CADPS2: variants seen among roughly 807,000 people sequenced by gnomAD.
CADPS2 encodes the protein calcium-dependent secretion activator 2.
Under a neutral mutation model 172.5 loss-of-function variants are expected in CADPS2, and 93 were observed. The observed-to-expected ratio is 0.54, with a 90% CI of 0.46 to 0.64. The LOEUF (loss-of-function observed/expected upper bound fraction) is 0.64. CADPS2 is among the 30% of genes least tolerant of loss of function. The pLI, the probability that CADPS2 is intolerant of heterozygous loss-of-function variation, is 0.00. For missense variants in CADPS2, 1,420 were observed against 1,565.9 expected, an observed-to-expected ratio of 0.91 and a Z score of 1.57; for synonymous variants, 546 against 555.2, an observed-to-expected ratio of 0.98 and a Z score of 0.23.
intron 20 of CADPS2, among the ~76,000 whole-genome samples, chr7:122,405,157 C>A (rs1341602090): frequency 1.3e-5 from 2 of 151,990 alleles, no homozygotes; most frequent in African/African-American, 4.8e-5. Flanking sequence ...AACAAAAATA[C>A]CTTACTTACT....
chr7:122,677,368 A>G (rs1344569933), intron 2 of CADPS2, among the ~76,000 whole-genome samples: 1 of 152,162 alleles, frequency 6.6e-6, no homozygotes, highest in Non-Finnish European at 1.5e-5. Context: ...AACACAGCCT[A>G]TCTAAGGGGG....
chr7:122,762,848 CTTTCAATGATGAAGCT>C, intron 1 of CADPS2, among the ~76,000 whole-genome samples: 1 of 152,048 alleles, frequency 6.6e-6, no homozygotes, highest in South Asian at 2.1e-4. Context: ...CCCTACCTTC[CTTTCAATGATGAAGCT>C]ACAGAGAATA....
chr7:122,818,238 C>G (rs1355080677), intron 1 of CADPS2, among the ~76,000 whole-genome samples: 1 of 151,994 alleles, frequency 6.6e-6, no homozygotes, highest in Non-Finnish European at 1.5e-5. Context: ...AACTTAAAAC[C>G]TCTTCAACTC....
intron 6 of CADPS2, among the ~76,000 whole-genome samples, chr7:122,593,237 A>C (rs942832266): frequency 5.9e-5 from 9 of 152,038 alleles, no homozygotes; most frequent in African/African-American, 1.9e-4. Flanking sequence ...ATAAAAGATA[A>C]CAATCTAAGT....
At position 122,787,500 on chromosome 7, in the gene CADPS2, G is replaced by T. The variant is rs116317352; in HGVS notation, c.340-50432C>A. Among the ~76,000 whole-genome samples the T allele has an allele frequency of 3.2e-3, 480 of 152,274 alleles. 2 individuals carry two copies. Among genetic ancestry groups the T allele is most frequent in the African/African-American group, 0.011 (464 of 41,560 alleles). On this transcript the variant is annotated intron_variant, in intron 1 of 29. Transcript: ENST00000449022. ...CTGAAGAATTATTCAACTTCAAAGGGAAGTTAGGAATGGTCAGTTAGCCAA... is the reference window on the plus strand; with the variant it reads ...CTGAAGAATTATTCAACTTCAAAGGTAAGTTAGGAATGGTCAGTTAGCCAA...
At chr7:122,720,875 T>C (rs1456041555) in intron 2 of CADPS2, among the ~76,000 whole-genome samples, 3 of 152,088 alleles carry the variant, frequency 2.0e-5, no homozygotes, top group South Asian at 2.1e-4. Context: ...GTGTATTTTT[T>C]TGTACATCAA....
chr7:122,441,140 G>A (rs1252407415), intron 16 of CADPS2, among the ~76,000 whole-genome samples: 3 of 152,074 alleles, frequency 2.0e-5, no homozygotes, highest in East Asian at 3.9e-4. Context: ...TGAGGACTAC[G>A]ACAGGTAGAA....
chr7:122,416,154 G>T lies in CADPS2; in HGVS notation c.2487C>A (p.Asn829Lys). 1 of 1,538,938 alleles carries T rather than the reference G, an allele frequency of 6.5e-7. No individual in the cohort carries two copies. The highest frequency in any genetic ancestry group is 8.8e-7 in the Non-Finnish European group (1 of 1,135,546). Reference protein sequence around the residue: ...TEYAKIEETMNQASPARKLEE... With the variant: ...TEYAKIEETMKQASPARKLEE... ...CCAGCTTTCTAGCAGGAGATGCCTG[G>T]TTCATGGTCTCTATATGAAAAAAAA... is the stretch of plus-strand genomic sequence containing the variant. Residue 829 changes from asparagine to lysine, a missense_variant, in exon 18 of 30, where the codon AAC (asparagine) becomes AAA (lysine). By Grantham distance (94) the Asn-to-Lys change is moderately conservative. Transcript: ENST00000449022.
At chr7:122,360,887 A>T in intron 26 of CADPS2, 43 bp downstream of exon 26, 2 of 1,603,096 alleles carry the variant, frequency 1.2e-6, no homozygotes, top group Non-Finnish European at 1.7e-6. Context: ...GTACTATGAC[A>T]ACAGTTAAAA....
At chr7:122,763,216 T>C (rs766492835) in intron 1 of CADPS2, among the ~76,000 whole-genome samples, 3 of 152,076 alleles carry the variant, frequency 2.0e-5, no homozygotes, top group Non-Finnish European at 2.9e-5. Flanking sequence ...CAACTCCCAA[T>C]TGCAAATAAT....
At chr7:122,335,185 C>CATGA (rs1335447328) in intron 28 of CADPS2, among the ~76,000 whole-genome samples, 5 of 152,216 alleles carry the variant, frequency 3.3e-5, no homozygotes, top group African/African-American at 9.6e-5. Context: ...GGATATTCTA[C>CATGA]ATGAATAAAC....
rs3807870 is a variant in CADPS2, at chr7:122,437,099, C to T, written c.2476+1242G>A. 9.9e-5 allele frequency among the ~76,000 whole-genome samples: 15 copies of T among 152,182 alleles called. No individual in the cohort carries two copies. In the East Asian group the frequency reaches 2.1e-3, roughly 22 times the overall value. ...CCAATCTGTGTCAGAATACTCAATG[C>T]TCCCAAAACATGAAAATTATTTGAA... On this transcript the variant is annotated intron_variant, in intron 17 of 29. Transcript: ENST00000449022.
chr7:122,462,232 G>C (rs1325069246), intron 14 of CADPS2, among the ~76,000 whole-genome samples: 1 of 152,064 alleles, frequency 6.6e-6, no homozygotes, highest in Non-Finnish European at 1.5e-5. Context: ...CCAGAAAGGG[G>C]GTGACTGGAG....
chr7:122,769,125 T>G (rs559405179), intron 1 of CADPS2, among the ~76,000 whole-genome samples: 1 of 152,302 alleles, frequency 6.6e-6, no homozygotes, highest in South Asian at 2.1e-4. Flanking sequence ...TAAGTAATGT[T>G]CTGCTTTTTT....
intron 8 of CADPS2, among the ~76,000 whole-genome samples, chr7:122,528,483 A>C (rs116908038): frequency 0.023 from 3,564 of 152,264 alleles, 79 homozygotes; most frequent in Non-Finnish European, 0.037. Flanking sequence ...TACTACAAAA[A>C]TTATAACGTT....
intron 15 of CADPS2, among the ~76,000 whole-genome samples, chr7:122,444,858 A>T (rs2051925204): frequency 6.6e-6 from 1 of 152,130 alleles, no homozygotes; most frequent in South Asian, 2.1e-4. Flanking sequence ...TTATTTAAGA[A>T]TCTTTGCCTA....
At chr7:122,775,120 A>G (rs2093835125) in intron 1 of CADPS2, among the ~76,000 whole-genome samples, 1 of 152,186 alleles carries the variant, frequency 6.6e-6, no homozygotes, top group Admixed American at 6.6e-5. Context: ...TATGGAAATT[A>G]TATTCATTCT....
At chr7:122,532,775 T>C (rs1563618260) in intron 8 of CADPS2, among the ~76,000 whole-genome samples, 1 of 152,134 alleles carries the variant, frequency 6.6e-6, no homozygotes, top group Non-Finnish European at 1.5e-5. Flanking sequence ...AAGTATACAG[T>C]TATATTTCCC....
At chr7:122,605,879 T>C (rs867323017) in intron 6 of CADPS2, among the ~76,000 whole-genome samples, 1 of 152,142 alleles carries the variant, frequency 6.6e-6, no homozygotes, top group Non-Finnish European at 1.5e-5. Context: ...TCAGCATTAA[T>C]TTTAATCCAG....
Sources: gnomAD v4.1 joint callset for allele counts (sites outside exome capture counted in the v4.1 genomes callset) on GRCh38, gnomAD v4.1.1 for gene constraint, MANE v1.5 for transcripts, NCBI Gene and HGNC (gene_info 2026-07-23, HGNC 2026-07-21) for gene names.